Variants in UNC5C observed in about 807,000 individuals in gnomAD.
The protein encoded by UNC5C is netrin receptor UNC5C.
In UNC5C, 47 loss-of-function variants were observed where a neutral mutation model predicts 99.8. The ratio of observed to expected loss-of-function variants is 0.47; its 90% confidence interval spans 0.37 to 0.60. The LOEUF (loss-of-function observed/expected upper bound fraction) is 0.60, where lower values mean the gene tolerates loss of function less well. Among genes scored for constraint, UNC5C ranks in the 20% least tolerant of loss-of-function variants. The pLI is 0.00. For synonymous variants in UNC5C, 487 were observed against 452.2 expected, an observed-to-expected ratio of 1.08 and a Z score of -0.98; for missense variants, 1,062 against 1,165.9, an observed-to-expected ratio of 0.91 and a Z score of 1.30.
chr4:95,238,526 TCTC>T, intron 7 of UNC5C, among the ~76,000 whole-genome samples: 1 of 151,986 alleles, frequency 6.6e-6, no homozygotes, highest in Admixed American at 6.5e-5. Context: ...ATTTTCAGCT[TCTC>T]CTCAATTGGT....
At chr4:95,401,061 A>G (rs1488835089) in intron 1 of UNC5C, among the ~76,000 whole-genome samples, 3 of 151,932 alleles carry the variant, frequency 2.0e-5, no homozygotes, top group Non-Finnish European at 4.4e-5. Flanking sequence ...TTTTATTTTT[A>G]TATTTGAGAC....
intron 1 of UNC5C, among the ~76,000 whole-genome samples, chr4:95,448,223 TGTGTGAGA>T (rs1159156918): frequency 5.6e-5 from 6 of 108,060 alleles, no homozygotes; most frequent in East Asian, 2.6e-4. Context: ...TGTGTGTGTG[TGTGTGAGA>T]GAGAGAGAGA....
At chr4:95,249,926 G>A (rs1411880465) in intron 5 of UNC5C, among the ~76,000 whole-genome samples, 6 of 152,132 alleles carry the variant, frequency 3.9e-5, no homozygotes, top group South Asian at 2.1e-4. Context: ...GTCAGCTCCC[G>A]CTTTCTGAGG....
At chr4:95,307,586 T>G in intron 2 of UNC5C, among the ~76,000 whole-genome samples, 1 of 152,104 alleles carries the variant, frequency 6.6e-6, no homozygotes, top group East Asian at 1.9e-4. Context: ...TTCCAAAAAA[T>G]TAAAGAAAAG....
intron 1 of UNC5C, among the ~76,000 whole-genome samples, chr4:95,548,484 G>T (rs1186320126): frequency 6.6e-6 from 1 of 152,006 alleles, no homozygotes; most frequent in East Asian, 1.9e-4. Flanking sequence ...GATCGGCTGC[G>T]TGTCCACACC....
intron 1 of UNC5C, among the ~76,000 whole-genome samples, chr4:95,357,166 C>T (rs904019310): frequency 5.4e-5 from 8 of 147,772 alleles, no homozygotes; most frequent in African/African-American, 2.0e-4. Flanking sequence ...CATGGTCTTA[C>T]TCTGTGACAT....
At chr4:95,503,765 G>A (rs986783780) in intron 1 of UNC5C, among the ~76,000 whole-genome samples, 1 of 151,972 alleles carries the variant, frequency 6.6e-6, no homozygotes, top group Non-Finnish European at 1.5e-5. Flanking sequence ...TTTAAGAAAA[G>A]CATAAAATAG....
chr4:95,477,540 A>G (rs968238841), intron 1 of UNC5C, among the ~76,000 whole-genome samples: 1 of 152,114 alleles, frequency 6.6e-6, no homozygotes, highest in Admixed American at 6.6e-5. Flanking sequence ...TTTTTCCTAC[A>G]TGAGATGGAG....
chr4:95,461,667 C>A (rs1171943855), intron 1 of UNC5C, among the ~76,000 whole-genome samples: 1 of 152,190 alleles, frequency 6.6e-6, no homozygotes, highest in Non-Finnish European at 1.5e-5. Flanking sequence ...ACAACAATGA[C>A]AACCCTGGGC....
intron 2 of UNC5C, among the ~76,000 whole-genome samples, chr4:95,314,699 G>A (rs188294138): frequency 1.3e-5 from 2 of 152,302 alleles, no homozygotes; most frequent in East Asian, 3.9e-4. Flanking sequence ...AGCCCCCTCA[G>A]GGAGCTCTCT....
At chr4:95,274,967 A>G (rs558578162) in intron 4 of UNC5C, among the ~76,000 whole-genome samples, 1 of 152,076 alleles carries the variant, frequency 6.6e-6, no homozygotes, top group African/African-American at 2.4e-5. Flanking sequence ...TGGAGGTTGC[A>G]GTGAGCCAAG....
chr4:95,249,818 A>C (rs1739627783), intron 5 of UNC5C, among the ~76,000 whole-genome samples: 2 of 152,222 alleles, frequency 1.3e-5, no homozygotes, highest in South Asian at 4.1e-4. Context: ...CCACTTGGCC[A>C]GATAAGGCAG....
At chr4:95,479,346 T>C (rs2903009) in intron 1 of UNC5C, among the ~76,000 whole-genome samples, 4,427 of 152,078 alleles carry the variant, frequency 0.029, 94 homozygotes, top group African/African-American at 0.066. Flanking sequence ...TTAGGTGATA[T>C]GGAATTTTAG....
chr4:95,526,823 T>C (rs1050308591), intron 1 of UNC5C, among the ~76,000 whole-genome samples: 5 of 152,034 alleles, frequency 3.3e-5, no homozygotes, highest in African/African-American at 1.2e-4. Context: ...AAAAAAATGA[T>C]TTTAACATGG....
chr4:95,265,508 AAAT>A (rs1275521361), intron 4 of UNC5C, among the ~76,000 whole-genome samples: 2 of 152,194 alleles, frequency 1.3e-5, no homozygotes, highest in African/African-American at 4.8e-5. Flanking sequence ...AAGTGTGTAT[AAAT>A]AATAACACAC....
At chr4:95,391,979 C>T (rs1745374733) in intron 1 of UNC5C, among the ~76,000 whole-genome samples, 1 of 152,082 alleles carries the variant, frequency 6.6e-6, no homozygotes, top group Non-Finnish European at 1.5e-5. Flanking sequence ...ATCACTTGAG[C>T]CCCAGACGTC....
chr4:95,419,942 C>T (rs1213118372), intron 1 of UNC5C, among the ~76,000 whole-genome samples: 1 of 152,080 alleles, frequency 6.6e-6, no homozygotes, highest in Non-Finnish European at 1.5e-5. Flanking sequence ...ATATTTTTTA[C>T]AATGGCTTTT....
intron 1 of UNC5C, among the ~76,000 whole-genome samples, chr4:95,423,175 T>C (rs1746368688): frequency 6.6e-6 from 1 of 152,148 alleles, no homozygotes; most frequent in South Asian, 2.1e-4. Flanking sequence ...CTAGAGAGAA[T>C]TTCCTGAGCC....
intron 1 of UNC5C, among the ~76,000 whole-genome samples, chr4:95,498,177 T>C (rs1191502242): frequency 6.6e-6 from 1 of 152,078 alleles, no homozygotes; most frequent in East Asian, 1.9e-4. Context: ...AAATAGCAAC[T>C]ACTGCTTATA....
Sources: allele counts gnomAD v4.1 joint callset (sites outside exome capture counted in the v4.1 genomes callset), GRCh38; gene constraint gnomAD v4.1.1; transcripts MANE v1.5; gene names NCBI Gene and HGNC (gene_info 2026-07-23, HGNC 2026-07-21).